MOXD1: variants seen among roughly 807,000 people sequenced by gnomAD.
MOXD1 encodes monooxygenase DBH like 1.
Under a neutral mutation model 66.6 loss-of-function variants are expected in MOXD1, and 62 were observed. The observed-to-expected ratio is 0.93, with a 90% CI of 0.76 to 1.15. The LOEUF is 1.15. MOXD1 is among the 50% of genes most tolerant of loss of function. MOXD1 has a pLI of 0.00. For missense variants in MOXD1, 847 were observed against 754.6 expected (o/e 1.12, Z -1.44); for synonymous variants, 303 against 281.9 (o/e 1.07, Z -0.75).
At chr6:132,323,047 A>C (rs1775112341) in intron 7 of MOXD1, among the ~76,000 whole-genome samples, 177 bp from the exon 8 acceptor site, 1 of 152,198 alleles carries the variant, frequency 6.6e-6, no homozygotes, top group Non-Finnish European at 1.5e-5. Flanking sequence ...GTGAAGCAAC[A>C]TTTGCCGGGA....
intron 10 of MOXD1, among the ~76,000 whole-genome samples, chr6:132,312,929 T>C (rs1774863105): frequency 6.6e-6 from 1 of 152,126 alleles, no homozygotes; most frequent in Admixed American, 6.5e-5. Context: ...CCATTCAATA[T>C]GTAAAAAATA....
At chr6:132,379,641 A>G (rs1310636330) in intron 1 of MOXD1, among the ~76,000 whole-genome samples, 1 of 152,172 alleles carries the variant, frequency 6.6e-6, no homozygotes, top group African/African-American at 2.4e-5. Context: ...CTGCTCCAAT[A>G]GTTACAAATT....
chr6:132,357,978 A>G (rs752304347), intron 4 of MOXD1, among the ~76,000 whole-genome samples: 2 of 152,226 alleles, frequency 1.3e-5, no homozygotes, highest in South Asian at 4.1e-4. Flanking sequence ...AAGAAGGATT[A>G]CTATAAAATG....
chr6:132,351,531 G>T (rs1775802908), intron 4 of MOXD1, among the ~76,000 whole-genome samples: 2 of 152,058 alleles, frequency 1.3e-5, no homozygotes, highest in African/African-American at 4.8e-5. Context: ...TATGTTGTTG[G>T]ATTTGGCTAG....
chr6:132,338,267 C>T (rs765256329), intron 4 of MOXD1, among the ~76,000 whole-genome samples: 25 of 152,156 alleles, frequency 1.6e-4, no homozygotes, highest in Admixed American at 1.5e-3. Flanking sequence ...AGCAGGGTCA[C>T]GGATGGGACA....
intron 9 of MOXD1, among the ~76,000 whole-genome samples, 180 bp downstream of exon 9, chr6:132,320,449 T>C (rs1179151200): frequency 6.6e-6 from 1 of 152,222 alleles, no homozygotes; most frequent in Non-Finnish European, 1.5e-5. Flanking sequence ...TATCATTAGT[T>C]AATTTGAAGT....
chr6:132,351,324 G>A (rs1378538525), intron 4 of MOXD1, among the ~76,000 whole-genome samples: 2 of 151,888 alleles, frequency 1.3e-5, no homozygotes, highest in Non-Finnish European at 2.9e-5. Context: ...CTTGTATGCC[G>A]ACTTTGCTAA....
intron 4 of MOXD1, among the ~76,000 whole-genome samples, chr6:132,332,056 T>A (rs1188240064): frequency 6.6e-6 from 1 of 152,180 alleles, no homozygotes; most frequent in African/African-American, 2.4e-5. Context: ...ATGGCCTCCC[T>A]GCCACTCCAG....
chr6:132,392,438 A>G, intron 1 of MOXD1: 1 of 1,301,018 alleles, frequency 7.7e-7, no homozygotes, highest in Non-Finnish European at 1.0e-6. Flanking sequence ...ACACAAACTC[A>G]GCATTCATCG....
At chr6:132,299,968 A>G (rs908539301) in intron 10 of MOXD1, among the ~76,000 whole-genome samples, 3 of 152,006 alleles carry the variant, frequency 2.0e-5, no homozygotes, top group Non-Finnish European at 2.9e-5. Flanking sequence ...AGTAAATTAA[A>G]AGTTCCTTAT....
chr6:132,390,177 G>C (rs577174827), intron 1 of MOXD1, among the ~76,000 whole-genome samples: 1 of 151,592 alleles, frequency 6.6e-6, no homozygotes, highest in South Asian at 2.1e-4. Flanking sequence ...GAGAGCTCAT[G>C]CGGTTCAGAC....
intron 4 of MOXD1, among the ~76,000 whole-genome samples, chr6:132,337,787 C>G (rs1582580248): frequency 6.6e-6 from 1 of 152,148 alleles, no homozygotes; most frequent in East Asian, 1.9e-4. Flanking sequence ...ACCTTCTGTA[C>G]CTATATTAGC....
intron 6 of MOXD1, among the ~76,000 whole-genome samples, chr6:132,327,644 G>A (rs529833698): frequency 8.5e-5 from 13 of 152,204 alleles, no homozygotes; most frequent in African/African-American, 3.1e-4. Context: ...ATAATAAATG[G>A]TAACTTTTTC....
chr6:132,372,829 C>T lies in MOXD1; in HGVS notation c.579+1G>A, dbSNP rs369357379. ...CAATCATAAAACCTGAAAACACTTA[C>T]GTCCTGATTTACCAGATCAAAGTAT... On this transcript the variant is annotated splice_donor_variant, in intron 3 of 11. Transcript: ENST00000367963. LOFTEE classifies it high-confidence loss of function. 1.7e-5 allele frequency: 28 copies of T among 1,613,568 alleles called. No homozygotes were observed. The highest frequency in any genetic ancestry group is 8.0e-5 in the African/African-American group (6 of 75,018).
At chr6:132,397,753 A>C (rs891481402) in intron 1 of MOXD1, among the ~76,000 whole-genome samples, 1 of 152,156 alleles carries the variant, frequency 6.6e-6, no homozygotes, top group Non-Finnish European at 1.5e-5. Context: ...ATAAAAGAAC[A>C]AACAGAAGAT....
At position 132,374,886 on chromosome 6, in the gene MOXD1, C is replaced by T. The variant is rs778279555; in HGVS notation, c.265-109G>A. The stretch of plus-strand genomic sequence containing the variant: ...GTTGTCTAGAGTTATTTTATAAATC[C>T]CGGGAATTTCCAAGGGGCTGGAGTA... On this transcript the variant is annotated intron_variant, in intron 1 of 11. Transcript: ENST00000367963. 22 of 1,131,104 alleles carry T rather than the reference C, an allele frequency of 1.9e-5. No individual in the cohort carries two copies. In the South Asian group the frequency reaches 3.0e-4, roughly 15 times the overall value. The allele number at this position is 1,131,104 out of a possible 1,614,324, so 70.1% of individuals were successfully genotyped here. A position where few individuals can be genotyped will look rare whatever the true frequency, so the allele number is the denominator to read the frequency against.
intron 1 of MOXD1, among the ~76,000 whole-genome samples, chr6:132,396,372 A>G (rs953029448): frequency 1.3e-5 from 2 of 152,144 alleles, no homozygotes; most frequent in African/African-American, 4.8e-5. Context: ...CCTATAGGGT[A>G]CAGTAAAAGC....
chr6:132,345,126 G>T (rs1279352962), intron 4 of MOXD1, among the ~76,000 whole-genome samples: 1 of 152,106 alleles, frequency 6.6e-6, no homozygotes, highest in Non-Finnish European at 1.5e-5. Flanking sequence ...TTGCAAAGTG[G>T]CATCGAAAAA....
intron 10 of MOXD1, among the ~76,000 whole-genome samples, chr6:132,298,789 G>T (rs963822431): frequency 1.1e-4 from 16 of 152,080 alleles, no homozygotes; most frequent in Non-Finnish European, 2.2e-4. Flanking sequence ...TGGCAAGGTT[G>T]CAGAGAAAAG....
Sources: gnomAD v4.1 joint callset for allele counts (sites outside exome capture counted in the v4.1 genomes callset) on GRCh38, gnomAD v4.1.1 for gene constraint, MANE v1.5 for transcripts, NCBI Gene and HGNC (gene_info 2026-07-23, HGNC 2026-07-21) for gene names.